PRKAG2: variants seen among roughly 807,000 people sequenced by gnomAD.
PRKAG2 encodes the protein protein kinase AMP-activated non-catalytic subunit gamma 2.
A neutral mutation model predicts 69.6 loss-of-function variants in PRKAG2; 26 were observed. That is an observed-to-expected ratio of 0.37 (90% confidence interval 0.27 to 0.52). PRKAG2 has a LOEUF of 0.52. Ranked by LOEUF, PRKAG2 falls within the 20% of genes least tolerant of loss-of-function variation. The probability of loss-of-function intolerance (pLI) is 0.90; values close to 1 mark genes in which losing one functional copy is unlikely to be tolerated. For missense variants in PRKAG2, 557 were observed against 740.0 expected, an observed-to-expected ratio of 0.75 and a Z score of 2.87; for synonymous variants, 293 against 285.0, an observed-to-expected ratio of 1.03 and a Z score of -0.28.
chr7:151,645,390 G>A (rs920918616), intron 4 of PRKAG2, among the ~76,000 whole-genome samples: 1 of 152,144 alleles, frequency 6.6e-6, no homozygotes, highest in Admixed American at 6.5e-5. Flanking sequence ...TCCTTCCCCA[G>A]CTGAGCCTTC....
chr7:151,800,506 G>A (rs932087758), intron 1 of PRKAG2, among the ~76,000 whole-genome samples: 7 of 152,070 alleles, frequency 4.6e-5, no homozygotes, highest in African/African-American at 1.2e-4. Context: ...TCCCAGCACC[G>A]CAATGACACT....
chr7:151,863,206 C>G (rs561508036), intron 1 of PRKAG2, among the ~76,000 whole-genome samples: 1 of 150,184 alleles, frequency 6.7e-6, no homozygotes, highest in Non-Finnish European at 1.5e-5. Context: ...GGTAGGTCCC[C>G]GGGTAGAGGC....
chr7:151,876,337 G>C (rs1339915728), intron 1 of PRKAG2, among the ~76,000 whole-genome samples, 170 bp downstream of exon 1: 2 of 152,040 alleles, frequency 1.3e-5, no homozygotes, highest in Admixed American at 1.3e-4. Flanking sequence ...TTGAGCCCCG[G>C]CTCCGCCAGC....
chr7:151,773,028 A>AAAGAAAGAAAGAAAGAGG (rs767583881), intron 3 of PRKAG2, among the ~76,000 whole-genome samples: 3 of 50,886 alleles, frequency 5.9e-5, no homozygotes, highest in African/African-American at 9.5e-5. Flanking sequence ...AAAGAAAGAG[A>AAAGAAAGAAAGAAAGAGG]GAGAGAGAGA....
chr7:151,737,462 C>T (rs778270428), intron 3 of PRKAG2, among the ~76,000 whole-genome samples: 1 of 152,150 alleles, frequency 6.6e-6, no homozygotes, highest in Admixed American at 6.5e-5. Context: ...AGTTAAATAA[C>T]CCCCGAGCTA....
At chr7:151,685,094 G>A (rs1277722414) in intron 3 of PRKAG2, among the ~76,000 whole-genome samples, 3 of 152,176 alleles carry the variant, frequency 2.0e-5, no homozygotes, top group African/African-American at 7.2e-5. Context: ...ACCCTACACA[G>A]AGCGGGCCTG....
At chr7:151,592,326 A>T (rs1226854893) in intron 6 of PRKAG2, among the ~76,000 whole-genome samples, 2 of 152,218 alleles carry the variant, frequency 1.3e-5, no homozygotes, top group African/African-American at 4.8e-5. Flanking sequence ...CCACTTTATC[A>T]GGACTGAGAT....
intron 4 of PRKAG2, among the ~76,000 whole-genome samples, chr7:151,641,244 C>CTTTTTTTTTTTTTTTTT (rs374667332): frequency 3.8e-5 from 4 of 105,690 alleles, no homozygotes; most frequent in East Asian, 3.5e-4. Context: ...TTCTTTTTTC[C>CTTTTTTTTTTTTTTTTT]TTTTTTTTTT....
At chr7:151,838,247 G>A (rs1038526523) in intron 1 of PRKAG2, among the ~76,000 whole-genome samples, 15 of 152,174 alleles carry the variant, frequency 9.9e-5, no homozygotes, top group Admixed American at 3.3e-4. Flanking sequence ...TGGGGTCAGC[G>A]GGGCTGTGGC....
In PRKAG2 at chr7:151,689,606, G is replaced by A. The variant is rs554225081; in HGVS notation, c.467-13969C>T. Among the ~76,000 whole-genome samples the A allele has an allele frequency of 3.9e-4, 59 of 152,262 alleles. 1 individual carries two copies. The highest frequency in any genetic ancestry group is 1.2e-3 in the African/African-American group (51 of 41,554). ...CCGTCTGTGAGTGTGGTTCCTGCCCGGCTTTCCCCTTCCCGCCAGGTCTCC... is the reference window on the plus strand; with the variant it reads ...CCGTCTGTGAGTGTGGTTCCTGCCCAGCTTTCCCCTTCCCGCCAGGTCTCC... On this transcript the variant is annotated intron_variant, in intron 3 of 15. Transcript: ENST00000287878.
intron 3 of PRKAG2, among the ~76,000 whole-genome samples, chr7:151,696,006 G>T (rs1162353232): frequency 6.6e-6 from 1 of 152,142 alleles, no homozygotes. Context: ...GGTCCGAGGG[G>T]GCGGGCCTGA....
At chr7:151,832,239 GGAGGGAAGGAA>G (rs1162834287) in intron 1 of PRKAG2, among the ~76,000 whole-genome samples, 3,026 of 30,646 alleles carry the variant, frequency 0.099, 183 homozygotes, top group African/African-American at 0.19. Flanking sequence ...AAGGAGAGGA[GGAGGGAAGGAA>G]GGGAGGAGGG....
chr7:151,838,277 G>A (rs1166128909), intron 1 of PRKAG2, among the ~76,000 whole-genome samples: 2 of 152,054 alleles, frequency 1.3e-5, no homozygotes, highest in Non-Finnish European at 1.5e-5. Context: ...CTCCATGAAG[G>A]GCCTGGTGTC....
At chr7:151,718,432 G>A (rs78949987) in intron 3 of PRKAG2, among the ~76,000 whole-genome samples, 5,205 of 151,990 alleles carry the variant, frequency 0.034, 304 homozygotes, top group African/African-American at 0.12. Flanking sequence ...ATGAATTCGG[G>A]GGACACGATC....
At chr7:151,596,929 T>C (rs1037488002) in intron 5 of PRKAG2, among the ~76,000 whole-genome samples, 5 of 150,348 alleles carry the variant, frequency 3.3e-5, no homozygotes, top group Non-Finnish European at 5.9e-5. Context: ...AAAAAAAAAA[T>C]CCTAACATTT....
chr7:151,827,817 A>G (rs1389791188), intron 1 of PRKAG2, among the ~76,000 whole-genome samples: 2 of 148,458 alleles, frequency 1.3e-5, no homozygotes, highest in Admixed American at 6.8e-5. Context: ...CCAATGCCAG[A>G]GCCTACGTGC....
chr7:151,560,023 G>T (rs1804553978), intron 15 of PRKAG2: 1 of 985,242 alleles, frequency 1.0e-6, no homozygotes. Context: ...GTCAAAAAAT[G>T]AGTTTAACCA....
At chr7:151,849,165 AGGCAGTGCCCCCTGCCT>A (rs2079510942) in intron 1 of PRKAG2, among the ~76,000 whole-genome samples, 1 of 152,234 alleles carries the variant, frequency 6.6e-6, no homozygotes, top group Non-Finnish European at 1.5e-5. Context: ...GAAGACGCAG[AGGCAGTGCCCCCTGCCT>A]GGCAGGCCGC....
intron 1 of PRKAG2, among the ~76,000 whole-genome samples, chr7:151,870,799 C>T (rs751975133): frequency 4.6e-5 from 7 of 152,244 alleles, no homozygotes; most frequent in South Asian, 2.1e-4. Context: ...CTTGAGGCCA[C>T]GCGGCGGGGG....
Sources: gnomAD v4.1 joint callset for allele counts (sites outside exome capture counted in the v4.1 genomes callset) on GRCh38, gnomAD v4.1.1 for gene constraint, MANE v1.5 for transcripts, NCBI Gene and HGNC (gene_info 2026-07-23, HGNC 2026-07-21) for gene names.